The following PTP4A2 variants were observed in gnomAD, a reference collection of about 807,000 sequenced individuals.
PTP4A2 encodes protein tyrosine phosphatase 4A2, also known as protein tyrosine phosphatase type IVA 2.
A neutral mutation model predicts 22.9 loss-of-function variants in PTP4A2; 2 were observed. The ratio of observed to expected loss-of-function variants is 0.09; its 90% CI spans 0.04 to 0.27. The LOEUF is 0.27. PTP4A2 is among the 10% of genes least tolerant of loss of function. PTP4A2 has a pLI of 1.00. For synonymous variants in PTP4A2, 68 were observed against 69.1 expected (o/e 0.98, Z 0.08); for missense variants, 103 against 205.1 (o/e 0.50, Z 3.04).
Position 31,908,078 on chromosome 1 carries a change from C to T in PTP4A2, c.*774G>A, listed in dbSNP as rs1651271069. On this transcript the variant is annotated 3_prime_UTR_variant, in exon 6 of 6. Transcript: ENST00000647444. ...GGTTTTGAAGAAACTAACATGAACA[C>T]CCTTTCATCAGTAAAGACTAAAAAC... The T allele has an allele frequency of 1.7e-5, 2 of 120,970 alleles. No homozygotes were observed. The highest frequency in any genetic ancestry group is 2.2e-4 in the East Asian group (1 of 4,564). 7.5% of individuals were successfully genotyped at this position (120,970 alleles called of 1,614,324 possible).
chr1:31,923,175 C>T (rs1652273339), intron 1 of PTP4A2, among the ~76,000 whole-genome samples: 1 of 151,870 alleles, frequency 6.6e-6, no homozygotes, highest in Non-Finnish European at 1.5e-5. Context: ...TCCCAAAGTG[C>T]TGGGATTACA....
chr1:31,932,429 A>G (rs1652762890), intron 1 of PTP4A2, among the ~76,000 whole-genome samples: 1 of 152,232 alleles, frequency 6.6e-6, no homozygotes, highest in African/African-American at 2.4e-5. Context: ...TGTGTAAGGT[A>G]AATTTATATT....
At chr1:31,912,147 C>CTGT (rs1651569293) in intron 3 of PTP4A2, among the ~76,000 whole-genome samples, 1 of 152,108 alleles carries the variant, frequency 6.6e-6, no homozygotes, top group Admixed American at 6.6e-5. Context: ...ACATAATAGA[C>CTGT]AAAACTGTAA....
At chr1:31,924,484 TA>T (rs1343396019) in intron 1 of PTP4A2, among the ~76,000 whole-genome samples, 2 of 152,152 alleles carry the variant, frequency 1.3e-5, no homozygotes, top group Non-Finnish European at 2.9e-5. Context: ...AAACAGTGTG[TA>T]AAAAATCATA....
chr1:31,924,813 A>C (rs1351083060), intron 1 of PTP4A2, among the ~76,000 whole-genome samples: 1 of 152,234 alleles, frequency 6.6e-6, no homozygotes, highest in Non-Finnish European at 1.5e-5. Context: ...CATTTTTAAC[A>C]AAAGAATACA....
intron 3 of PTP4A2, chr1:31,913,072 T>C (rs780817428): frequency 2.3e-6 from 1 of 428,862 alleles, no homozygotes; most frequent in South Asian, 1.7e-5. Context: ...ATATAAGTAG[T>C]GTCTATTTTT....
At chr1:31,922,617 T>TGTCTCCCTCCCTCCCTCC (rs1652226031) in intron 1 of PTP4A2, among the ~76,000 whole-genome samples, 2 of 151,002 alleles carry the variant, frequency 1.3e-5, no homozygotes, top group African/African-American at 4.9e-5. Flanking sequence ...TTTCTTTCTT[T>TGTCTCCCTCCCTCCCTCC]CTTTCTTTCT....
At chr1:31,910,274 T>C (rs1392757333) in intron 4 of PTP4A2, 162 bp from the exon 5 acceptor site, 2 of 556,986 alleles carry the variant, frequency 3.6e-6, no homozygotes, top group Non-Finnish European at 6.4e-6. Context: ...CTCATCATCA[T>C]TAATTCTATG....
Position 31,938,368 on chromosome 1 carries a change from G to C in PTP4A2, c.-975C>G, listed in dbSNP as rs927815880. 1 of 149,004 alleles carries C rather than the reference G, an allele frequency of 6.7e-6. No individual in the cohort carries two copies. The allele number at this position is 149,004 out of a possible 1,614,324, so 9.2% of individuals were successfully genotyped here. Reference sequence around the variant, plus strand: ...ACCACCACCGCTGCGCGCGCAGCCGGAACCAGCTCCCGCCGCCGCCCCTCA... The same window carrying C: ...ACCACCACCGCTGCGCGCGCAGCCGCAACCAGCTCCCGCCGCCGCCCCTCA... On this transcript the variant is annotated 5_prime_UTR_variant, in exon 1 of 6. Coordinates refer to ENST00000647444, the MANE Select transcript of PTP4A2 (RefSeq NM_080391.4). This position sits in a 1 kb window ranked among gnomAD's most constrained non-coding sequence, Gnocchi z 4.4.
chr1:31,931,504 C>T (rs1002770479), intron 1 of PTP4A2, among the ~76,000 whole-genome samples: 1 of 152,158 alleles, frequency 6.6e-6, no homozygotes, highest in Non-Finnish European at 1.5e-5. Flanking sequence ...TTATGGGCCT[C>T]CCCTGATCTA....
intron 2 of PTP4A2, among the ~76,000 whole-genome samples, chr1:31,917,630 T>A (rs929521564): frequency 6.6e-6 from 1 of 152,126 alleles, no homozygotes; most frequent in African/African-American, 2.4e-5. Context: ...CTCTACTCCA[T>A]AAATACAGCA....
intron 1 of PTP4A2, chr1:31,935,728 G>A (rs1407938856): frequency 6.6e-6 from 1 of 152,160 alleles, no homozygotes; most frequent in African/African-American, 2.4e-5. Flanking sequence ...TCTTGTAGTT[G>A]TGAGAATTAA....
chr1:31,919,848 C>T (rs750128432), intron 1 of PTP4A2, among the ~76,000 whole-genome samples, 190 bp from the exon 2 acceptor site: 6 of 151,990 alleles, frequency 3.9e-5, no homozygotes, highest in East Asian at 3.9e-4. Context: ...AGACTCGAGC[C>T]GGGTGTGGTG....
intron 1 of PTP4A2, chr1:31,924,106 A>G (rs1035032369): frequency 6.6e-6 from 1 of 152,236 alleles, no homozygotes; most frequent in Non-Finnish European, 1.5e-5. Context: ...TTGTAGTGAC[A>G]GCCAGGCTTA....
intron 2 of PTP4A2, among the ~76,000 whole-genome samples, chr1:31,918,695 C>T (rs1651985886): frequency 6.6e-6 from 1 of 152,096 alleles, no homozygotes; most frequent in South Asian, 2.1e-4. Context: ...ATATCGTGGT[C>T]AATAAATGTT....
In PTP4A2 at chr1:31,911,835, AAATGACCTTTTAC is replaced by A. The variant is rs1260479339; in HGVS notation, c.190-22_190-10del. 1 of 1,556,888 alleles carries A rather than the reference AAATGACCTTTTAC, an allele frequency of 6.4e-7. No homozygotes were observed. The highest frequency in any genetic ancestry group is 1.2e-5 in the South Asian group (1 of 82,628). ...TCATCAAATGGCCAATCCTGAAAAGAAATGACCTTTTACATTAAATTGATATTTTCTCCATGAT... is the reference window on the plus strand; with the variant it reads ...TCATCAAATGGCCAATCCTGAAAAGAATTAAATTGATATTTTCTCCATGAT... On this transcript the variant is annotated splice_polypyrimidine_tract_variant and intron_variant, in intron 3 of 5. Coordinates refer to ENST00000647444, the MANE Select transcript of PTP4A2 (RefSeq NM_080391.4).
intron 2 of PTP4A2, among the ~76,000 whole-genome samples, chr1:31,916,345 C>CAAAAAAAAAA (rs1167002913): frequency 2.8e-5 from 1 of 35,446 alleles, no homozygotes; most frequent in African/African-American, 7.9e-5. Context: ...ACTCCGTCTC[C>CAAAAAAAAAA]AAAAAAAAAA....
At chr1:31,936,809 C>T (rs540395359) in intron 1 of PTP4A2, among the ~76,000 whole-genome samples, 2 of 152,312 alleles carry the variant, frequency 1.3e-5, no homozygotes, top group South Asian at 2.1e-4. Context: ...CTCAGCAAGG[C>T]ATAACTTCAC....
chr1:31,925,595 T>G (rs1298351727), intron 1 of PTP4A2, among the ~76,000 whole-genome samples: 1 of 151,576 alleles, frequency 6.6e-6, no homozygotes, highest in East Asian at 2.0e-4. Context: ...CCGTCTCCAC[T>G]AAAAATACAA....
Sources: allele counts gnomAD v4.1 joint callset (sites outside exome capture counted in the v4.1 genomes callset), GRCh38; gene constraint gnomAD v4.1.1; non-coding constraint Gnocchi (gnomAD v3.1); transcripts MANE v1.5; gene names NCBI Gene and HGNC (gene_info 2026-07-23, HGNC 2026-07-21).